The following LOC128462377 variants were observed in gnomAD, a reference collection of about 807,000 sequenced individuals.
the LOC128462377 span, among the ~76,000 whole-genome samples, chr16:89,363,007 T>C: frequency 0.012 from 1,724 of 148,444 alleles, 51 homozygotes; most frequent in African/African-American, 0.044. Context: ...TGGTCTCCTT[T>C]ATCCGGTGTA....
At chr16:89,388,540 C>A in the LOC128462377 span, among the ~76,000 whole-genome samples, 1 of 152,068 alleles carries the variant, frequency 6.6e-6, no homozygotes, top group Non-Finnish European at 1.5e-5. Flanking sequence ...AAAAAGCCCA[C>A]GAGATGACAA....
chr16:89,381,211 A>T, the LOC128462377 span, among the ~76,000 whole-genome samples: 1 of 152,134 alleles, frequency 6.6e-6, no homozygotes, highest in South Asian at 2.1e-4. Context: ...GTGCACCGGT[A>T]ATCCCAGCCA....
the LOC128462377 span, among the ~76,000 whole-genome samples, chr16:89,389,809 G>C: frequency 2.1e-5 from 3 of 144,158 alleles, no homozygotes; most frequent in East Asian, 2.1e-4. Flanking sequence ...GGAGCACCGA[G>C]AGAGAAGATC....
At chr16:89,349,473 C>A in the LOC128462377 span, among the ~76,000 whole-genome samples, 1 of 152,178 alleles carries the variant, frequency 6.6e-6, no homozygotes, top group East Asian at 1.9e-4. Flanking sequence ...GAGCGAGACT[C>A]ATCTCAAAAA....
At chr16:89,343,222 C>T in the LOC128462377 span, among the ~76,000 whole-genome samples, 1 of 152,170 alleles carries the variant, frequency 6.6e-6, no homozygotes, top group Non-Finnish European at 1.5e-5. Flanking sequence ...AACTCCTGAC[C>T]TCAAGAGTGA....
At chr16:89,337,465 C>T in the LOC128462377 span, among the ~76,000 whole-genome samples, 8 of 49,764 alleles carry the variant, frequency 1.6e-4, no homozygotes, top group Admixed American at 1.6e-3. Context: ...TTGAGACAGT[C>T]TCCCTCTGTC....
the LOC128462377 span, chr16:89,361,384 C>A: frequency 6.6e-6 from 1 of 152,524 alleles, no homozygotes; most frequent in Non-Finnish European, 1.5e-5. Flanking sequence ...GGGGCCAGCA[C>A]AGACCACTGA....
At chr16:89,322,729 G>C in the LOC128462377 span, among the ~76,000 whole-genome samples, 390 of 152,374 alleles carry the variant, frequency 2.6e-3, 7 homozygotes, top group South Asian at 0.038. Flanking sequence ...GTCCTGTGTG[G>C]CACCAGGGGC....
the LOC128462377 span, among the ~76,000 whole-genome samples, chr16:89,379,917 T>C: frequency 6.6e-6 from 1 of 152,176 alleles, no homozygotes; most frequent in Non-Finnish European, 1.5e-5. Context: ...GACACTGACC[T>C]TTTCAGTTTT....
the LOC128462377 span, among the ~76,000 whole-genome samples, chr16:89,334,136 C>A: frequency 1.1e-5 from 1 of 91,022 alleles, no homozygotes; most frequent in Non-Finnish European, 1.9e-5. Flanking sequence ...TGATGAAACC[C>A]TGTGTTTTAA....
chr16:89,406,586 T>C, the LOC128462377 span, among the ~76,000 whole-genome samples: 1 of 152,126 alleles, frequency 6.6e-6, no homozygotes, highest in Non-Finnish European at 1.5e-5. Flanking sequence ...CCAGTGCTTA[T>C]GGTCTGGGTG....
chr16:89,396,935 C>A, the LOC128462377 span, among the ~76,000 whole-genome samples: 2 of 130,988 alleles, frequency 1.5e-5, no homozygotes, highest in Admixed American at 8.3e-5. Context: ...GATCCAGCTG[C>A]CTCGGTTTCC....
the LOC128462377 span, among the ~76,000 whole-genome samples, chr16:89,336,409 G>A: frequency 6.6e-6 from 1 of 152,250 alleles, no homozygotes; most frequent in Non-Finnish European, 1.5e-5. Flanking sequence ...CAGGAAGGAA[G>A]GAGTCTGTTT....
chr16:89,324,862 A>T, the LOC128462377 span: 1 of 277,046 alleles, frequency 3.6e-6, no homozygotes, highest in Non-Finnish European at 7.1e-6. Context: ...CTATTGTGGG[A>T]CTTCACCTCA....
chr16:89,381,402 C>T, the LOC128462377 span, among the ~76,000 whole-genome samples: 1 of 149,614 alleles, frequency 6.7e-6, no homozygotes, highest in African/African-American at 2.5e-5. Context: ...AGCAAGACAC[C>T]AAGAAACTCC....
At chr16:89,351,950 G>C in the LOC128462377 span, among the ~76,000 whole-genome samples, 5 of 152,068 alleles carry the variant, frequency 3.3e-5, 1 homozygote, top group Non-Finnish European at 5.9e-5. Context: ...TCACTCTGTC[G>C]CCCAGGATGG....
At chr16:89,336,615 G>A in the LOC128462377 span, among the ~76,000 whole-genome samples, 1 of 152,166 alleles carries the variant, frequency 6.6e-6, no homozygotes, top group African/African-American at 2.4e-5. Flanking sequence ...GTGACGCTTT[G>A]TAAGGACGGA....
chr16:89,380,416 G>T, the LOC128462377 span, among the ~76,000 whole-genome samples: 2 of 152,202 alleles, frequency 1.3e-5, no homozygotes, highest in South Asian at 4.1e-4. Context: ...CCAGCCCAAT[G>T]ATGCCATTTT....
At chr16:89,345,012 G>C in the LOC128462377 span, among the ~76,000 whole-genome samples, 1 of 152,186 alleles carries the variant, frequency 6.6e-6, no homozygotes, top group South Asian at 2.1e-4. Flanking sequence ...GCGCAGATGA[G>C]GCAGGAGGAA....
Sources: gnomAD v4.1 joint callset for allele counts (sites outside exome capture counted in the v4.1 genomes callset) on GRCh38, gnomAD v4.1.1 for gene constraint, MANE v1.5 for transcripts.